CSMD1: variants seen among roughly 807,000 people sequenced by gnomAD.
CSMD1 encodes CUB and sushi domain-containing protein 1.
A neutral mutation model predicts 417.5 loss-of-function variants in CSMD1; 213 were observed. The observed-to-expected ratio is 0.51, with a 90% CI of 0.46 to 0.57. The LOEUF (loss-of-function observed/expected upper bound fraction) is 0.57, where lower values mean the gene tolerates loss of function less well. Ranked by LOEUF, CSMD1 falls within the 20% of genes least tolerant of loss-of-function variation. CSMD1 has a pLI of 0.00. For missense variants in CSMD1, 6,923 were observed against 4,529.7 expected (o/e 1.53, Z -15.17); for synonymous variants, 2,862 against 1,736.8 (o/e 1.65, Z -16.11).
intron 3 of CSMD1, among the ~76,000 whole-genome samples, chr8:4,405,307 C>CGAGAAAAAA (rs1804931630): frequency 6.6e-6 from 1 of 151,972 alleles, no homozygotes; most frequent in Non-Finnish European, 1.5e-5. Flanking sequence ...AAATAACTTC[C>CGAGAAAAAA]ACTTAGTTTT....
At chr8:4,812,664 A>G (rs900796884) in intron 1 of CSMD1, among the ~76,000 whole-genome samples, 11 of 152,304 alleles carry the variant, frequency 7.2e-5, no homozygotes, top group African/African-American at 2.4e-4. Context: ...TATTCTCTAT[A>G]ATTTAGTCCA....
intron 3 of CSMD1, among the ~76,000 whole-genome samples, chr8:4,240,649 G>C (rs758142800): frequency 2.0e-5 from 3 of 152,022 alleles, no homozygotes; most frequent in African/African-American, 7.2e-5. Context: ...CTTTCAACAA[G>C]TACTCCCCTT....
chr8:3,322,879 C>G, intron 23 of CSMD1, among the ~76,000 whole-genome samples: 1 of 152,192 alleles, frequency 6.6e-6, no homozygotes, highest in Non-Finnish European at 1.5e-5. Context: ...TGGCAAATGC[C>G]TGACTTAGGA....
intron 11 of CSMD1, among the ~76,000 whole-genome samples, chr8:3,488,683 G>T (rs1021194958): frequency 1.3e-5 from 2 of 152,104 alleles, no homozygotes; most frequent in Admixed American, 6.5e-5. Flanking sequence ...ATTATTTAAA[G>T]AATCAAGCAA....
chr8:3,811,925 A>C (rs1052858166), intron 5 of CSMD1, among the ~76,000 whole-genome samples: 1 of 152,192 alleles, frequency 6.6e-6, no homozygotes, highest in African/African-American at 2.4e-5. Flanking sequence ...AAGCACATAT[A>C]GATAAAAGTC....
intron 10 of CSMD1, among the ~76,000 whole-genome samples, chr8:3,534,172 T>A (rs1423974130): frequency 4.6e-5 from 7 of 152,192 alleles, no homozygotes; most frequent in Admixed American, 3.3e-4. Context: ...TAATTCCATC[T>A]CTTGGTGTTT....
At chr8:4,660,557 A>T (rs904085428) in intron 1 of CSMD1, among the ~76,000 whole-genome samples, 1 of 152,154 alleles carries the variant, frequency 6.6e-6, no homozygotes, top group African/African-American at 2.4e-5. Flanking sequence ...AGGAACTGGA[A>T]TACCTAAAAT....
chr8:4,845,655 A>T (rs1801099042), intron 1 of CSMD1, among the ~76,000 whole-genome samples: 1 of 152,196 alleles, frequency 6.6e-6, no homozygotes, highest in East Asian at 1.9e-4. Context: ...AGAAGCACAG[A>T]CGGGAAAGAA....
intron 36 of CSMD1, among the ~76,000 whole-genome samples, chr8:3,186,714 G>C (rs1487024707): frequency 1.3e-5 from 2 of 152,174 alleles, no homozygotes; most frequent in South Asian, 2.1e-4. Flanking sequence ...CTTTGCAGTA[G>C]AGATAAACAA....
At chr8:3,029,093 A>T (rs1810150662) in intron 51 of CSMD1, among the ~76,000 whole-genome samples, 1 of 152,132 alleles carries the variant, frequency 6.6e-6, no homozygotes, top group Non-Finnish European at 1.5e-5. Flanking sequence ...TACAATTATT[A>T]ACAAGGAAAA....
chr8:3,154,751 A>G (rs897044237), intron 39 of CSMD1, among the ~76,000 whole-genome samples: 5 of 152,192 alleles, frequency 3.3e-5, no homozygotes, highest in African/African-American at 1.2e-4. Flanking sequence ...TTCTGAGAAC[A>G]CTGCTTGATA....
chr8:4,733,529 T>C (rs190709423), intron 1 of CSMD1, among the ~76,000 whole-genome samples: 74 of 152,330 alleles, frequency 4.9e-4, no homozygotes, highest in African/African-American at 1.6e-3. Context: ...ACAAGGAAGA[T>C]AGATAGTGCA....
chr8:4,154,590 G>C (rs75351665), intron 3 of CSMD1, among the ~76,000 whole-genome samples: 3,934 of 152,212 alleles, frequency 0.026, 151 homozygotes, highest in African/African-American at 0.09. Context: ...TGAGGTCTTT[G>C]GCAATAGGAA....
intron 8 of CSMD1, among the ~76,000 whole-genome samples, chr8:3,612,983 A>G (rs573460327): frequency 1.3e-5 from 2 of 152,218 alleles, no homozygotes; most frequent in Admixed American, 6.5e-5. Context: ...AATGTATGTA[A>G]AAGTAAATTG....
At chr8:3,930,790 GT>G (rs1188755315) in intron 5 of CSMD1, among the ~76,000 whole-genome samples, 12 of 150,460 alleles carry the variant, frequency 8.0e-5, no homozygotes, top group Non-Finnish European at 1.0e-4. Flanking sequence ...TTTCTAACAT[GT>G]ACAAGGGTCA....
chr8:4,221,892 T>C (rs1801053502), intron 3 of CSMD1, among the ~76,000 whole-genome samples: 1 of 152,136 alleles, frequency 6.6e-6, no homozygotes, highest in African/African-American at 2.4e-5. Context: ...CAGAGGAAAT[T>C]CACCAGACCA....
chr8:4,696,286 T>C (rs746846200), intron 1 of CSMD1, among the ~76,000 whole-genome samples: 1 of 152,190 alleles, frequency 6.6e-6, no homozygotes, highest in Non-Finnish European at 1.5e-5. Flanking sequence ...AAGTACTCTG[T>C]GTCCATTTAT....
chr8:4,958,898 G>C (rs930964997), intron 1 of CSMD1, among the ~76,000 whole-genome samples: 2 of 152,076 alleles, frequency 1.3e-5, no homozygotes, highest in Non-Finnish European at 2.9e-5. Context: ...CTTCAACAAA[G>C]AGGAAAGAAT....
chr8:3,754,700 C>T (rs2623730), intron 5 of CSMD1, among the ~76,000 whole-genome samples: 5,710 of 152,304 alleles, frequency 0.037, 304 homozygotes, highest in East Asian at 0.23. Context: ...GGTGATCTGC[C>T]TGCCTTGGCC....
Sources: allele counts gnomAD v4.1 joint callset (sites outside exome capture counted in the v4.1 genomes callset), GRCh38; gene constraint gnomAD v4.1.1; transcripts MANE v1.5; gene names NCBI Gene and HGNC (gene_info 2026-07-23, HGNC 2026-07-21).